PTH2R: variants seen among roughly 807,000 people sequenced by gnomAD.
PTH2R encodes parathyroid hormone 2 receptor, also known as PTH2 receptor.
Under a neutral mutation model 60.3 loss-of-function variants are expected in PTH2R, and 59 were observed. The ratio of observed to expected loss-of-function variants is 0.98; its 90% confidence interval spans 0.79 to 1.22. The LOEUF is 1.22. PTH2R is among the 50% of genes most tolerant of loss of function. PTH2R has a pLI of 0.00. For missense variants in PTH2R, 749 were observed against 682.6 expected, an observed-to-expected ratio of 1.10 and a Z score of -1.08; for synonymous variants, 256 against 243.8, an observed-to-expected ratio of 1.05 and a Z score of -0.47.
intron 9 of PTH2R, among the ~76,000 whole-genome samples, chr2:208,460,314 A>T (rs1398434840): frequency 1.3e-5 from 2 of 152,164 alleles, no homozygotes; most frequent in African/African-American, 4.8e-5. Flanking sequence ...GGTCAGTGTG[A>T]CAGGGAGGAA....
chr2:208,394,491 A>G (rs1701168610), intron 1 of PTH2R, among the ~76,000 whole-genome samples: 1 of 152,192 alleles, frequency 6.6e-6, no homozygotes. Flanking sequence ...CACCCATTTG[A>G]ATGGGACACC....
intron 1 of PTH2R, among the ~76,000 whole-genome samples, chr2:208,411,317 A>T (rs534179856): frequency 6.6e-6 from 1 of 152,322 alleles, no homozygotes; most frequent in African/African-American, 2.4e-5. Flanking sequence ...ATTGCCACAA[A>T]CACTATTGTA....
intron 9 of PTH2R, among the ~76,000 whole-genome samples, chr2:208,477,238 A>G (rs1703025218): frequency 6.6e-6 from 1 of 152,156 alleles, no homozygotes; most frequent in South Asian, 2.1e-4. Flanking sequence ...AGTGAGACTA[A>G]CATTTAAACA....
chr2:208,490,487 G>A, intron 11 of PTH2R, 152 bp from the exon 12 acceptor site: 1 of 609,490 alleles, frequency 1.6e-6, no homozygotes, highest in South Asian at 3.0e-5. Flanking sequence ...GTAAACATAA[G>A]GATTTGGAAA....
intron 9 of PTH2R, among the ~76,000 whole-genome samples, chr2:208,468,145 T>G (rs957949357): frequency 6.6e-6 from 1 of 152,176 alleles, no homozygotes; most frequent in Non-Finnish European, 1.5e-5. Context: ...TACCTCATAT[T>G]ACTTTAGAAC....
At chr2:208,389,731 A>T (rs1268021981) in intron 1 of PTH2R, among the ~76,000 whole-genome samples, 1 of 152,090 alleles carries the variant, frequency 6.6e-6, no homozygotes, top group Non-Finnish European at 1.5e-5. Flanking sequence ...CAAATGTTTA[A>T]TTTTTATCAC....
At position 208,407,055 on chromosome 2, in the gene PTH2R, G is replaced by C. The variant is rs780195446; in HGVS notation, c.12G>C (p.Leu4=). Residue 4 remains leucine, a synonymous_variant, in exon 1 of 13, where the codon CTG becomes CTC. Transcript: ENST00000272847. ...CAGCCGTTCCGGGCATGGCCGGGCT[G>C]GGGGCGTCGCTCCACGTCTGGGGTT... MAG[L]GASLHVWGWL... 1.1e-5 allele frequency: 16 copies of C among 1,394,472 alleles called. No individual in the cohort carries two copies. In the Admixed American group the frequency reaches 4.4e-4, roughly 39 times the overall value. The allele number at this position is 1,394,472 out of a possible 1,614,324, so 86.4% of individuals were successfully genotyped here.
chr2:208,470,247 A>G (rs1427008909), intron 9 of PTH2R, among the ~76,000 whole-genome samples: 1 of 152,188 alleles, frequency 6.6e-6, no homozygotes, highest in African/African-American at 2.4e-5. Flanking sequence ...ATTTGTCTTT[A>G]TGTAAATATT....
At chr2:208,482,247 A>G (rs1300346678) in intron 10 of PTH2R, among the ~76,000 whole-genome samples, 2 of 152,186 alleles carry the variant, frequency 1.3e-5, no homozygotes, top group Admixed American at 6.5e-5. Flanking sequence ...GCAGCCCACA[A>G]TGCAACGGGG....
chr2:208,480,088 T>C (rs1703111394), intron 9 of PTH2R, among the ~76,000 whole-genome samples: 1 of 152,104 alleles, frequency 6.6e-6, no homozygotes, highest in African/African-American at 2.4e-5. Context: ...GTGAGTTTGG[T>C]GGGGTGTTCA....
chr2:208,477,980 C>CACTACTACTAGTACTAGTACTACTAGT (rs1703056981), intron 9 of PTH2R, among the ~76,000 whole-genome samples: 3 of 64,280 alleles, frequency 4.7e-5, no homozygotes, highest in African/African-American at 6.6e-5. Flanking sequence ...GTACTACTAG[C>CACTACTACTAGTACTAGTACTACTAGT]ACTACTACTA....
intron 7 of PTH2R, among the ~76,000 whole-genome samples, chr2:208,446,981 T>C (rs553231049): frequency 6.6e-6 from 1 of 152,290 alleles, no homozygotes; most frequent in East Asian, 1.9e-4. Context: ...CTTGCTTAAA[T>C]TCCTTTGTTA....
Position 208,444,862 on chromosome 2 carries a change from G to T in PTH2R, c.828G>T (p.Leu276=). ...CTTTCTTTTCGGACACCAAATACCT[G>T]TGGGGCTTCATCTTGATAGGCTGGG... is the stretch of plus-strand genomic sequence containing the variant. ...FVAFFSDTKY[L]WGFILIGWGF... Residue 276 remains leucine, a synonymous_variant, in exon 7 of 13, where the codon CTG becomes CTT. Coordinates refer to ENST00000272847, the MANE Select transcript of PTH2R (RefSeq NM_005048.4). The T allele has an allele frequency of 1.2e-6, 2 of 1,613,400 alleles. No homozygotes were observed. Among genetic ancestry groups the T allele is most frequent in the Non-Finnish European group, 1.7e-6 (2 of 1,179,652 alleles).
rs1404530488 is a variant in PTH2R, at chr2:208,443,395, C to G, written c.557C>G (p.Ser186Cys). 1.9e-6 allele frequency: 3 copies of G among 1,611,350 alleles called. No individual in the cohort carries two copies. The highest frequency in any genetic ancestry group is 2.2e-5 in the East Asian group (1 of 44,714). The stretch of plus-strand genomic sequence containing the variant: ...TATATCCACATGCACTTATTTGTGT[C>G]TTTCATGCTGAGAGCTACAAGCATC... ...RNYIHMHLFV[S>C]FMLRATSIFV... The change falls in exon 6 of 13, where the codon TCT becomes TGT. Residue 186 changes from serine (S) to cysteine (C), a missense_variant. Coordinates refer to ENST00000272847, the MANE Select transcript of PTH2R (RefSeq NM_005048.4).
At chr2:208,463,282 G>T (rs1019602825) in intron 9 of PTH2R, among the ~76,000 whole-genome samples, 28 of 151,932 alleles carry the variant, frequency 1.8e-4, no homozygotes, top group African/African-American at 6.8e-4. Flanking sequence ...CAGGGCCTTT[G>T]CCTGTGCTGT....
At chr2:208,410,768 G>T (rs1346910811) in intron 1 of PTH2R, among the ~76,000 whole-genome samples, 1 of 152,122 alleles carries the variant, frequency 6.6e-6, no homozygotes, top group Non-Finnish European at 1.5e-5. Flanking sequence ...AAGATTGTGT[G>T]TGTGTGTGTG....
intron 1 of PTH2R, among the ~76,000 whole-genome samples, chr2:208,416,447 C>T (rs1369103930): frequency 6.6e-6 from 1 of 152,160 alleles, no homozygotes; most frequent in Non-Finnish European, 1.5e-5. Flanking sequence ...AAATTTTTGT[C>T]AGAAATAGAA....
At chr2:208,487,263 T>C (rs1574916957) in intron 10 of PTH2R, among the ~76,000 whole-genome samples, 1 of 152,146 alleles carries the variant, frequency 6.6e-6, no homozygotes, top group East Asian at 1.9e-4. Context: ...GTAGTTAATA[T>C]CAAGTATGGA....
chr2:208,363,614 A>G (rs1037343805), intron 1 of PTH2R, among the ~76,000 whole-genome samples: 4 of 152,202 alleles, frequency 2.6e-5, no homozygotes, highest in African/African-American at 9.7e-5. Flanking sequence ...CAGTGGCTGA[A>G]CTAACTTACA....
Sources: gnomAD v4.1 joint callset for allele counts (sites outside exome capture counted in the v4.1 genomes callset) on GRCh38, gnomAD v4.1.1 for gene constraint, MANE v1.5 for transcripts, NCBI Gene and HGNC (gene_info 2026-07-23, HGNC 2026-07-21) for gene names.